APP: variants seen among roughly 807,000 people sequenced by gnomAD.
The protein encoded by APP is amyloid beta precursor protein, also known as amyloid-beta precursor protein.
A neutral mutation model predicts 101.4 loss-of-function variants in APP; 31 were observed. That is an observed-to-expected ratio of 0.31 (90% CI 0.23 to 0.41). The LOEUF (loss-of-function observed/expected upper bound fraction) is 0.41, where lower values mean the gene tolerates loss of function less well. APP is among the 10% of genes least tolerant of loss of function. The probability of loss-of-function intolerance (pLI) is 1.00; values close to 1 mark genes in which losing one functional copy is unlikely to be tolerated. For synonymous variants in APP, 366 were observed against 364.4 expected (o/e 1.00, Z -0.05); for missense variants, 839 against 1,003.7 (o/e 0.84, Z 2.22).
chr21:26,080,284 T>C (rs939910978), intron 3 of APP, among the ~76,000 whole-genome samples: 2 of 152,222 alleles, frequency 1.3e-5, no homozygotes, highest in Admixed American at 1.3e-4. Context: ...TGGAGAAAGC[T>C]ACAACACACA....
At chr21:26,094,730 T>C (rs987895422) in intron 2 of APP, among the ~76,000 whole-genome samples, 3 of 151,544 alleles carry the variant, frequency 2.0e-5, no homozygotes, top group African/African-American at 7.2e-5. Flanking sequence ...TCCTGATTTT[T>C]ATCATAACTA....
Position 25,882,018 on chromosome 21 carries a change from T to G in APP, c.2212-247A>C, listed in dbSNP as rs111548947. Among the ~76,000 whole-genome samples the G allele has an allele frequency of 7.7e-3, 1,174 of 152,150 alleles. 15 individuals carry two copies. The highest frequency in any genetic ancestry group is 0.026 in the African/African-American group (1,089 of 41,486). ...CTTGACGCGCTTGCAACGTGTCCAG[T>G]GGTTGTTTCTGGTTCCCCAACTCCA... On this transcript the variant is annotated intron_variant, in intron 17 of 17. Transcript: ENST00000346798.
intron 13 of APP, among the ~76,000 whole-genome samples, chr21:25,915,031 CTT>C (rs779371181): frequency 2.0e-5 from 3 of 152,226 alleles, no homozygotes; most frequent in South Asian, 2.1e-4. Flanking sequence ...ATGGCTCCCT[CTT>C]TGTTTCAGTG....
chr21:25,982,268 T>C lies in APP; in HGVS notation c.1224+76A>G, dbSNP rs148257054. ...AAGATCTTGATAAAGCCAGCAGGCCTGTGGGGAGACTGAGGCAGAGGCAAG... is the reference window on the plus strand; with the variant it reads ...AAGATCTTGATAAAGCCAGCAGGCCCGTGGGGAGACTGAGGCAGAGGCAAG... On this transcript the variant is annotated intron_variant, in intron 9 of 17. Coordinates refer to ENST00000346798, the MANE Select transcript of APP (RefSeq NM_000484.4). 58 of 1,458,952 alleles carry C rather than the reference T, an allele frequency of 4.0e-5. No homozygotes were observed. The African/African-American group carries it at 7.5e-4, about 19-fold the overall frequency. The allele number at this position is 1,458,952 out of a possible 1,614,324, so 90.4% of individuals were successfully genotyped here.
In APP at chr21:25,918,688, C is replaced by G. The variant is rs1263271152; in HGVS notation, c.1688-6726G>C. Among the ~76,000 whole-genome samples the G allele has an allele frequency of 2.0e-5, 3 of 151,800 alleles. No individual in the cohort carries two copies. The South Asian group carries it at 6.2e-4, about 32-fold the overall frequency. On this transcript the variant is annotated intron_variant, in intron 13 of 17. Coordinates refer to ENST00000346798, the MANE Select transcript of APP (RefSeq NM_000484.4). Reference sequence around the variant, plus strand: ...CTTTTCAGACCGGCTTAAGAAACGGCGCACCACGAGACTATATCCCACACC... The same window carrying G: ...CTTTTCAGACCGGCTTAAGAAACGGGGCACCACGAGACTATATCCCACACC...
intron 15 of APP, among the ~76,000 whole-genome samples, chr21:25,901,248 G>A (rs9978790): frequency 0.9 from 132,549 of 147,168 alleles, 59,757 homozygotes; most frequent in African/African-American, 0.92. Flanking sequence ...CAGTGAGCTG[G>A]TATCATGCCA....
rs145463114 is a variant in APP, at chr21:25,889,911, A to G, written c.2211+1811T>C. On this transcript the variant is annotated intron_variant, in intron 17 of 17. Coordinates refer to ENST00000346798, the MANE Select transcript of APP (RefSeq NM_000484.4). ...AACCATGAAAAAAACCAAAACAACAACAGCAGCAAAAAAGGGGTCTTGAAT... is the reference window on the plus strand; with the variant it reads ...AACCATGAAAAAAACCAAAACAACAGCAGCAGCAAAAAAGGGGTCTTGAAT... Among the ~76,000 whole-genome samples the G allele has an allele frequency of 2.3e-3, 351 of 152,206 alleles. 5 individuals carry two copies. The highest frequency in any genetic ancestry group is 3.4e-3 in the Middle Eastern group (1 of 294).
intron 3 of APP, among the ~76,000 whole-genome samples, chr21:26,084,471 C>G (rs1181258046): frequency 6.6e-6 from 1 of 152,168 alleles, no homozygotes; most frequent in Non-Finnish European, 1.5e-5. Flanking sequence ...AATCTCCTGA[C>G]CTTGCGATCC....
At chr21:25,895,569 TC>T (rs1303365157) in intron 16 of APP, among the ~76,000 whole-genome samples, 1 of 152,186 alleles carries the variant, frequency 6.6e-6, no homozygotes, top group Non-Finnish European at 1.5e-5. Context: ...TGCCTGTACC[TC>T]CCTAAAAAAT....
intron 6 of APP, among the ~76,000 whole-genome samples, chr21:26,007,570 TA>T (rs1391148172): frequency 6.6e-6 from 1 of 151,128 alleles, no homozygotes; most frequent in Non-Finnish European, 1.5e-5. Context: ...ATAACAACTT[TA>T]TTTTTTTAGC....
chr21:26,155,605 T>C (rs1005864332), intron 1 of APP, among the ~76,000 whole-genome samples: 1 of 152,226 alleles, frequency 6.6e-6, no homozygotes, highest in Non-Finnish European at 1.5e-5. Flanking sequence ...ACCATTTCCA[T>C]ATTAAATGTG....
intron 6 of APP, among the ~76,000 whole-genome samples, chr21:26,004,483 G>A (rs1208586846): frequency 2.6e-5 from 4 of 151,506 alleles, no homozygotes; most frequent in Admixed American, 2.0e-4. Context: ...TAGTAGACAC[G>A]GGGTTTCTCT....
rs1568908281 is a variant in APP at position 26,048,585 on chromosome 21, A to G, written c.662+2415T>C. The stretch of plus-strand genomic sequence containing the variant: ...TATGAAAAAAAATTTAAAATATACA[A>G]TTTACTTTGTCTAATATTTATTGAG... On this transcript the variant is annotated intron_variant, in intron 5 of 17. Transcript: ENST00000346798. Among the ~76,000 whole-genome samples, 3 of 152,296 alleles carry G rather than the reference A, an allele frequency of 2.0e-5. No homozygotes were observed. In the South Asian group the frequency reaches 6.2e-4, roughly 32 times the overall value.
Position 26,161,066 on chromosome 21 carries a change from G to A in APP, c.57+9498C>T, listed in dbSNP as rs541650814. Among the ~76,000 whole-genome samples, 16 of 152,230 alleles carry A rather than the reference G, an allele frequency of 1.1e-4. No individual in the cohort carries two copies. In the East Asian group the frequency reaches 3.1e-3, roughly 29 times the overall value. ...AGCTGTTCGAATCTTCAATCTGAAC[G>A]TAATTCTTTATCACCACAACATAGA... On this transcript the variant is annotated intron_variant, in intron 1 of 17. Transcript: ENST00000346798.
At chr21:26,102,585 T>C (rs530280718) in intron 2 of APP, among the ~76,000 whole-genome samples, 1 of 151,962 alleles carries the variant, frequency 6.6e-6, no homozygotes, top group Non-Finnish European at 1.5e-5. Flanking sequence ...AGTGGCCACT[T>C]TATGCTGTTA....
At chr21:25,885,033 C>T (rs2146207027) in intron 17 of APP, among the ~76,000 whole-genome samples, 1 of 152,366 alleles carries the variant, frequency 6.6e-6, no homozygotes, top group East Asian at 1.9e-4. Flanking sequence ...ATCCTATTAC[C>T]TTTTGCCACT....
At chr21:26,151,415 T>C (rs1007354837) in intron 1 of APP, among the ~76,000 whole-genome samples, 1 of 152,186 alleles carries the variant, frequency 6.6e-6, no homozygotes, top group South Asian at 2.1e-4. Flanking sequence ...AATAAGAGGA[T>C]TGCTTGTTTG....
chr21:26,143,042 TGTG>T (rs2063081773), intron 1 of APP, among the ~76,000 whole-genome samples: 1 of 152,208 alleles, frequency 6.6e-6, no homozygotes, highest in Non-Finnish European at 1.5e-5. Context: ...TTATAAACAA[TGTG>T]GTGGAGTGGG....
intron 1 of APP, among the ~76,000 whole-genome samples, chr21:26,122,239 G>T (rs2062589569): frequency 6.6e-6 from 1 of 152,158 alleles, no homozygotes; most frequent in South Asian, 2.1e-4. Context: ...TAGTTAGCGG[G>T]ATTTCCAGTT....
Sources: allele counts gnomAD v4.1 joint callset (sites outside exome capture counted in the v4.1 genomes callset), GRCh38; gene constraint gnomAD v4.1.1; transcripts MANE v1.5; gene names NCBI Gene and HGNC (gene_info 2026-07-23, HGNC 2026-07-21).